The following RGS6 variants were observed in gnomAD, a reference collection of about 807,000 sequenced individuals.
The protein encoded by RGS6 is regulator of G-protein signaling 6.
A neutral mutation model predicts 78.5 loss-of-function variants in RGS6; 30 were observed. That is an observed-to-expected ratio of 0.38 (90% confidence interval 0.29 to 0.52). RGS6 has a LOEUF of 0.52. Ranked by LOEUF, RGS6 falls within the 20% of genes least tolerant of loss-of-function variation. The probability of loss-of-function intolerance (pLI) is 0.85; values close to 1 mark genes in which losing one functional copy is unlikely to be tolerated. For missense variants in RGS6, 495 were observed against 609.7 expected, an observed-to-expected ratio of 0.81 and a Z score of 1.98; for synonymous variants, 206 against 206.0, an observed-to-expected ratio of 1.00 and a Z score of 0.00.
intron 3 of RGS6, among the ~76,000 whole-genome samples, chr14:72,418,066 T>C (rs2093950883): frequency 6.6e-6 from 1 of 152,120 alleles, no homozygotes; most frequent in African/African-American, 2.4e-5. Flanking sequence ...CACCTGGACA[T>C]ACATGCCAAA....
intron 2 of RGS6, among the ~76,000 whole-genome samples, chr14:72,283,700 A>G (rs924115400): frequency 2.6e-5 from 4 of 152,184 alleles, no homozygotes; most frequent in Non-Finnish European, 5.9e-5. Flanking sequence ...GCAGCATGAG[A>G]ATGGACTAAT....
At chr14:71,932,413 C>T (rs1320746292), upstream of RGS6, 2 of 151,576 alleles carry the variant, frequency 1.3e-5, no homozygotes, top group Non-Finnish European at 2.9e-5. Context: ...TGCAGCAGCT[C>T]GCGGGCCGCG....
At chr14:72,488,075 G>T (rs570451640) in intron 12 of RGS6, among the ~76,000 whole-genome samples, 1 of 152,218 alleles carries the variant, frequency 6.6e-6, no homozygotes, top group South Asian at 2.1e-4. Context: ...TAATTTTACT[G>T]TTTCCTTTAC....
the RGS6 span, among the ~76,000 whole-genome samples, chr14:72,620,543 G>A: frequency 3.2e-4 from 49 of 152,310 alleles, no homozygotes; most frequent in African/African-American, 1.1e-3. Context: ...TGGAGCCCGG[G>A]TGAGAGCAGG....
At position 72,537,487 on chromosome 14, in the gene RGS6, C is replaced by T. The variant is rs186176127; in HGVS notation, c.1368+1212C>T. ...TCTGGGGTATCCCAGTTGTCAGCAG[C>T]TCTCTGGGTTTCCTGCATCCCTCCC... On this transcript the variant is annotated intron_variant, in intron 16 of 17. Transcript: ENST00000553525. 3.3e-5 allele frequency: 23 copies of T among 702,352 alleles called. No homozygotes were observed. In the Admixed American group the frequency reaches 4.0e-4, roughly 12 times the overall value. The allele number at this position is 702,352 out of a possible 1,614,324, so 43.5% of individuals were successfully genotyped here. A position where few individuals can be genotyped will look rare whatever the true frequency, so the allele number is the denominator to read the frequency against.
intron 2 of RGS6, among the ~76,000 whole-genome samples, chr14:72,200,287 A>G (rs2041192832): frequency 1.3e-5 from 2 of 152,174 alleles, no homozygotes; most frequent in Admixed American, 1.3e-4. Context: ...CTGCACTGTG[A>G]ATGAGCCACT....
intron 2 of RGS6, among the ~76,000 whole-genome samples, chr14:72,171,790 A>G (rs2097023485): frequency 6.6e-6 from 1 of 152,240 alleles, no homozygotes; most frequent in African/African-American, 2.4e-5. Context: ...CTGAATTCTT[A>G]ATAAGTGTTT....
At chr14:72,471,576 G>A (rs2096077038) in intron 8 of RGS6, among the ~76,000 whole-genome samples, 1 of 152,140 alleles carries the variant, frequency 6.6e-6, no homozygotes, top group Non-Finnish European at 1.5e-5. Flanking sequence ...AGGCTGTGTG[G>A]GTGTAGACTC....
At chr14:71,911,759 C>T in the RGS6 span, among the ~76,000 whole-genome samples, 1 of 152,216 alleles carries the variant, frequency 6.6e-6, no homozygotes, top group Non-Finnish European at 1.5e-5. Context: ...ATGCAGCCTG[C>T]TGGCTGGCCA....
At chr14:72,569,990 G>T (rs996352317), downstream of RGS6, among the ~76,000 whole-genome samples, 12 of 152,280 alleles carry the variant, frequency 7.9e-5, no homozygotes, top group African/African-American at 2.9e-4. Flanking sequence ...GAGCCCGTTT[G>T]AGAAAGCATA....
At chr14:72,211,032 TG>T (rs1294541642) in intron 2 of RGS6, among the ~76,000 whole-genome samples, 1 of 152,172 alleles carries the variant, frequency 6.6e-6, no homozygotes, top group Non-Finnish European at 1.5e-5. Flanking sequence ...CTTTTAAATC[TG>T]GGGGGTACAT....
At chr14:71,887,931 C>G in the RGS6 span, among the ~76,000 whole-genome samples, 4 of 152,176 alleles carry the variant, frequency 2.6e-5, no homozygotes, top group Non-Finnish European at 5.9e-5. Flanking sequence ...ACTGTTCTTA[C>G]ACCCCTTCCC....
chr14:72,332,740 G>C lies in RGS6; in HGVS notation c.85-19355G>C, dbSNP rs548795938. Reference sequence around the variant, plus strand: ...TGAGCTTCCTTTCTCTCCTACCAAGGAGAGGGTGGGGGCTGTGGCAAGAGA... The same window carrying C: ...TGAGCTTCCTTTCTCTCCTACCAAGCAGAGGGTGGGGGCTGTGGCAAGAGA... On this transcript the variant is annotated intron_variant, in intron 2 of 17. Coordinates refer to ENST00000553525, the MANE Select transcript of RGS6 (RefSeq NM_001204424.2). Among the ~76,000 whole-genome samples the C allele has an allele frequency of 4.6e-5, 7 of 152,324 alleles. No individual in the cohort carries two copies. In the South Asian group the frequency reaches 1.5e-3, roughly 32 times the overall value.
intron 2 of RGS6, among the ~76,000 whole-genome samples, chr14:72,194,043 A>C (rs1567433686): frequency 6.6e-6 from 1 of 152,176 alleles, no homozygotes; most frequent in Non-Finnish European, 1.5e-5. Flanking sequence ...GCTAGTCAGG[A>C]GTAGGGCAGA....
At chr14:72,229,760 A>G (rs2049077345) in intron 2 of RGS6, among the ~76,000 whole-genome samples, 1 of 152,228 alleles carries the variant, frequency 6.6e-6, no homozygotes, top group Non-Finnish European at 1.5e-5. Context: ...CTGGGACTCA[A>G]ACAATATGAT....
intron 2 of RGS6, among the ~76,000 whole-genome samples, chr14:72,176,565 C>A (rs1460215942): frequency 6.6e-6 from 1 of 152,194 alleles, no homozygotes. Context: ...AGGAGACAAT[C>A]CCCTTACAAA....
chr14:72,088,205 G>A (rs1214006903), intron 2 of RGS6, among the ~76,000 whole-genome samples: 4 of 152,172 alleles, frequency 2.6e-5, no homozygotes, highest in Non-Finnish European at 4.4e-5. Context: ...TAAATGGCAC[G>A]CTTTGCTCAT....
At chr14:72,031,392 A>G (rs4899416) in intron 2 of RGS6, among the ~76,000 whole-genome samples, 4 of 152,166 alleles carry the variant, frequency 2.6e-5, no homozygotes, top group Non-Finnish European at 5.9e-5. Flanking sequence ...GTGTACTTAT[A>G]GAGTATACGA....
chr14:72,293,773 G>A (rs1199475729), intron 2 of RGS6, among the ~76,000 whole-genome samples: 1 of 152,164 alleles, frequency 6.6e-6, no homozygotes, highest in East Asian at 1.9e-4. Context: ...CTAAGCCAAG[G>A]CCAGTTAATA....
Sources: allele counts gnomAD v4.1 joint callset (sites outside exome capture counted in the v4.1 genomes callset), GRCh38; gene constraint gnomAD v4.1.1; transcripts MANE v1.5; gene names NCBI Gene and HGNC (gene_info 2026-07-23, HGNC 2026-07-21).